Variants in ARHGEF11 observed in about 807,000 individuals in gnomAD.
The protein encoded by ARHGEF11 is Rho guanine exchange factor (GEF) 11.
ARHGEF11 carries 55 observed loss-of-function variants against 193.7 expected under a neutral mutation model. The observed-to-expected ratio is 0.28, with a 90% confidence interval of 0.23 to 0.36. ARHGEF11 has a LOEUF of 0.36. Ranked by LOEUF, ARHGEF11 falls within the 10% of genes least tolerant of loss-of-function variation. The pLI, the probability that ARHGEF11 is intolerant of heterozygous loss-of-function variation, is 1.00. For missense variants in ARHGEF11, 1,723 were observed against 2,005.6 expected, an observed-to-expected ratio of 0.86 and a Z score of 2.69; for synonymous variants, 693 against 768.0, an observed-to-expected ratio of 0.90 and a Z score of 1.62.
intron 1 of ARHGEF11, among the ~76,000 whole-genome samples, chr1:157,020,836 G>A (rs1033190716): frequency 1.3e-5 from 2 of 152,182 alleles, no homozygotes; most frequent in African/African-American, 4.8e-5. Flanking sequence ...AAATTACAAT[G>A]CTGATATCGA....
Position 157,028,512 on chromosome 1 carries a change from G to A in ARHGEF11, c.32+15787C>T, listed in dbSNP as rs757476949. 3.6e-4 allele frequency among the ~76,000 whole-genome samples: 55 copies of A among 152,110 alleles called. 1 individual carries two copies. Among genetic ancestry groups the A allele is most frequent in the Non-Finnish European group, 6.6e-4 (45 of 68,022 alleles). On this transcript the variant is annotated intron_variant, in intron 1 of 40. Coordinates refer to ENST00000368194, the MANE Select transcript of ARHGEF11 (RefSeq NM_198236.3). Reference sequence around the variant, plus strand: ...TACCAGACTGGACTGCAACATGATGGCGAGTAGAGCCCTAAAAGAGTGACC... The same window carrying A: ...TACCAGACTGGACTGCAACATGATGACGAGTAGAGCCCTAAAAGAGTGACC...
At chr1:157,037,922 A>G (rs1672246522) in intron 1 of ARHGEF11, among the ~76,000 whole-genome samples, 3 of 148,664 alleles carry the variant, frequency 2.0e-5, no homozygotes, top group Admixed American at 1.4e-4. Context: ...AATCCCAACT[A>G]CTTGGGAGGC....
chr1:156,960,324 A>G, intron 15 of ARHGEF11, 94 bp downstream of exon 15: 2 of 1,273,476 alleles, frequency 1.6e-6, no homozygotes, highest in African/African-American at 1.5e-5. Context: ...GCCCAAGGAC[A>G]GGGACTATGT....
chr1:156,984,330 A>T lies in ARHGEF11; in HGVS notation c.223+9T>A. The T allele has an allele frequency of 3.2e-6, 5 of 1,575,124 alleles. No homozygotes were observed. Among genetic ancestry groups the T allele is most frequent in the Non-Finnish European group, 3.5e-6 (4 of 1,159,238 alleles). ...TGTCCACCGTGGGCAGGAGGGATGC[A>T]GCACTCACCAGGCCGCACAGACTGC... On this transcript the variant is annotated intron_variant, in intron 3 of 40. Transcript: ENST00000368194.
Position 157,024,068 on chromosome 1 carries a change from CGGTATAT to C in ARHGEF11, c.32+20224_32+20230del, listed in dbSNP as rs1440629693. On this transcript the variant is annotated intron_variant, in intron 1 of 40. Coordinates refer to ENST00000368194, the MANE Select transcript of ARHGEF11 (RefSeq NM_198236.3). ...AACTGATGAACAGATAAATAGAAGG[CGGTATAT>C]CCACATAACAGGATATTAATTGGCA... Among the ~76,000 whole-genome samples, 4 of 148,964 alleles carry C rather than the reference CGGTATAT, an allele frequency of 2.7e-5. No individual in the cohort carries two copies. The Admixed American group carries it at 2.7e-4, about 10-fold the overall frequency.
chr1:156,978,534 C>G (rs1663601378), intron 5 of ARHGEF11, 152 bp from the exon 6 acceptor site: 6 of 1,315,836 alleles, frequency 4.6e-6, no homozygotes, highest in Non-Finnish European at 5.9e-6. Flanking sequence ...CACCCATTCT[C>G]TAATCCCTGC....
chr1:156,985,049 C>G (rs904605202), intron 2 of ARHGEF11, among the ~76,000 whole-genome samples: 3 of 151,720 alleles, frequency 2.0e-5, no homozygotes, highest in Non-Finnish European at 4.4e-5. Context: ...AATTAAAAAA[C>G]AAAAAGAAAC....
chr1:156,940,247 A>G lies in ARHGEF11; in HGVS notation c.3693T>C (p.Pro1231=). ...RNPIHLAFPG[P]LFMEGLADSA... The stretch of plus-strand genomic sequence containing the variant: ...AGTCAGCGAGCCCTTCCATGAACAG[A>G]GGGCCTGGGAAGGCCAAGTGGATGG... The change falls in exon 36 of 41, where the codon CCT becomes CCC. Residue 1231 remains proline (P), a synonymous_variant. Coordinates refer to ENST00000368194, the MANE Select transcript of ARHGEF11 (RefSeq NM_198236.3). 1 of 1,606,152 alleles carries G rather than the reference A, an allele frequency of 6.2e-7. No individual in the cohort carries two copies. The highest frequency in any genetic ancestry group is 1.3e-5 in the African/African-American group (1 of 74,924).
At chr1:156,953,695 T>C (rs1659466116) in intron 21 of ARHGEF11, among the ~76,000 whole-genome samples, 1 of 152,282 alleles carries the variant, frequency 6.6e-6, no homozygotes, top group Non-Finnish European at 1.5e-5. Flanking sequence ...TCTCTCTATA[T>C]ATATTTATTG....
chr1:156,939,753 G>A lies in ARHGEF11; in HGVS notation c.3891C>T (p.Pro1297=). The change falls in exon 37 of 41, where the codon CCC becomes CCT. Residue 1297 remains proline, a synonymous_variant. Coordinates refer to ENST00000368194, the MANE Select transcript of ARHGEF11 (RefSeq NM_198236.3). ...PWDPGSPGQA[P]PGGEGDNTQL... is the part of the protein sequence containing the mutation. ...GGGTGTTGTCCCCTTCACCCCCAGG[G>A]GGTGCTTGCCCTGGGGAGCCTGGGT... 6.2e-7 allele frequency: 1 copy of A among 1,614,026 alleles called. No homozygotes were observed. The highest frequency in any genetic ancestry group is 8.5e-7 in the Non-Finnish European group (1 of 1,179,984).
In ARHGEF11 at chr1:156,955,753, C is replaced by T. The variant is rs768258429; in HGVS notation, c.1718G>A (p.Arg573Gln). The T allele has an allele frequency of 3.1e-6, 5 of 1,614,198 alleles. No homozygotes were observed. The highest frequency in any genetic ancestry group is 3.3e-5 in the Admixed American group (2 of 60,032). ...KEKDALEDKK[R>Q]NPILKYIGKP... Reference sequence around the variant, plus strand: ...CCCAATGTATTTGAGGATAGGGTTTCGCTTCTTGTCCTCCAAGGCATCCTT... The same window carrying T: ...CCCAATGTATTTGAGGATAGGGTTTTGCTTCTTGTCCTCCAAGGCATCCTT... The change falls in exon 20 of 41, where the codon CGA becomes CAA. Residue 573 changes from arginine (R) to glutamine (Q), a missense_variant. Transcript: ENST00000368194.
At chr1:156,976,386 TC>T (rs1267879043) in intron 7 of ARHGEF11, among the ~76,000 whole-genome samples, 1 of 152,172 alleles carries the variant, frequency 6.6e-6, no homozygotes, top group African/African-American at 2.4e-5. Flanking sequence ...CCTCCCACTC[TC>T]CCTCCTACTG....
chr1:156,978,304 G>A lies in ARHGEF11; in HGVS notation c.410C>T (p.Ser137Phe), dbSNP rs767620495. The change falls in exon 6 of 41, where the codon TCC (serine) becomes TTC (phenylalanine). Residue 137 changes from serine (S) to phenylalanine (F), a missense_variant. Ser to Phe is a radical substitution (Grantham distance 155). This residue lies in a region of ARHGEF11 where 646 missense variants were observed against 710.7 expected (regional missense o/e 0.91). Transcript: ENST00000368194. ...CGTGATTCGGGGAGCTCCTGCTGGG[G>A]ATGGGTCCTGCTGGAGCCCAGAGAT... ...MGISGLQQDPSPAGAPRITSV... is the reference protein window; with the variant it reads ...MGISGLQQDPFPAGAPRITSV... 7.4e-6 allele frequency: 12 copies of A among 1,614,152 alleles called. No homozygotes were observed. The South Asian group carries it at 1.3e-4, about 18-fold the overall frequency.
At chr1:157,015,033 T>C (rs1267242881) in intron 1 of ARHGEF11, among the ~76,000 whole-genome samples, 1 of 152,208 alleles carries the variant, frequency 6.6e-6, no homozygotes, top group East Asian at 1.9e-4. Context: ...CTCATCTCCA[T>C]GCACCACACC....
At chr1:156,967,762 C>A in intron 11 of ARHGEF11, 2 of 610,358 alleles carry the variant, frequency 3.3e-6, no homozygotes. Flanking sequence ...GATGCATTCA[C>A]CCACTCTCCA....
chr1:157,029,214 A>C (rs1408784831), intron 1 of ARHGEF11, among the ~76,000 whole-genome samples: 3 of 150,688 alleles, frequency 2.0e-5, no homozygotes, highest in African/African-American at 4.9e-5. Flanking sequence ...CTGGGCCCTC[A>C]CAGATTGCTG....
Position 156,948,684 on chromosome 1 carries a change from T to C in ARHGEF11, c.1926-186A>G. ...CAATGACAGACTATTTTTGCTGCTC[T>C]ACAAACTCCTCCTCTCTCCCCAGCC... On this transcript the variant is annotated intron_variant, in intron 22 of 40. Transcript: ENST00000368194. The surrounding 1 kb of genome is among the most constrained non-coding windows in gnomAD (Gnocchi z 4.2). The C allele has an allele frequency of 6.5e-7, 1 of 1,531,944 alleles. No individual in the cohort carries two copies. Among genetic ancestry groups the C allele is most frequent in the Non-Finnish European group, 8.7e-7 (1 of 1,144,448 alleles). The allele number at this position is 1,531,944 out of a possible 1,614,324, so 94.9% of individuals were successfully genotyped here.
intron 22 of ARHGEF11, chr1:156,949,174 A>C (rs1658692670): frequency 1.0e-6 from 1 of 952,500 alleles, no homozygotes. Flanking sequence ...CTTGTGCTTA[A>C]AGGGGCCTTT....
chr1:156,945,287 G>A (rs1289100672), intron 29 of ARHGEF11, 90 bp from the exon 30 acceptor site: 14 of 1,459,946 alleles, frequency 9.6e-6, no homozygotes, highest in Non-Finnish European at 3.7e-6. Context: ...ATCCATGGCA[G>A]CTGGCTTGCT....
Sources: allele counts gnomAD v4.1 joint callset (sites outside exome capture counted in the v4.1 genomes callset), GRCh38; gene constraint gnomAD v4.1.1; regional missense constraint gnomAD v4.1.1; non-coding constraint Gnocchi (gnomAD v3.1); transcripts MANE v1.5; gene names NCBI Gene and HGNC (gene_info 2026-07-23, HGNC 2026-07-21).